The following COL22A1 variants were observed in gnomAD, a reference collection of about 807,000 sequenced individuals.
COL22A1 encodes collagen type XXII alpha 1 chain.
A neutral mutation model predicts 248.9 loss-of-function variants in COL22A1; 221 were observed. The ratio of observed to expected loss-of-function variants is 0.89; its 90% CI spans 0.80 to 0.99. The LOEUF is 0.99. Among genes scored for constraint, COL22A1 ranks in the 50% least tolerant of loss-of-function variants. The pLI is 0.00. For missense variants in COL22A1, 2,240 were observed against 2,179.0 expected (o/e 1.03, Z -0.56); for synonymous variants, 891 against 793.4 (o/e 1.12, Z -2.07).
At chr8:138,857,736 GAGA>G (rs1267154572) in intron 3 of COL22A1, among the ~76,000 whole-genome samples, 2 of 152,174 alleles carry the variant, frequency 1.3e-5, no homozygotes, top group Non-Finnish European at 2.9e-5. Context: ...TCAGCATCAG[GAGA>G]AGGTCTGAGT....
At chr8:138,767,610 G>A (rs913594754) in intron 16 of COL22A1, among the ~76,000 whole-genome samples, 1 of 152,234 alleles carries the variant, frequency 6.6e-6, no homozygotes, top group African/African-American at 2.4e-5. Context: ...AGAACCAAGT[G>A]CTGAAACAGG....
At chr8:138,712,121 C>T (rs1052159247) in intron 30 of COL22A1, among the ~76,000 whole-genome samples, 1 of 152,158 alleles carries the variant, frequency 6.6e-6, no homozygotes, top group Non-Finnish European at 1.5e-5. Flanking sequence ...AAGTCATCCA[C>T]CAACAGGAAA....
In COL22A1 at chr8:138,775,984, CT is replaced by C. The variant is rs1395788055; in HGVS notation, c.1784del (p.Lys595ArgfsTer61). On this transcript the variant is annotated frameshift_variant, in exon 16 of 65. Coordinates refer to ENST00000303045, the MANE Select transcript of COL22A1 (RefSeq NM_152888.3). LOFTEE classifies it high-confidence loss of function. ...APGLQGERGEKGTRGEKGERG... is the reference protein window; with the variant it reads ...APGLQGERGEXGTRGEKGERG... ...TAAATACCTTTTCTCCTCGAGTTCCCTTTTCACCTCGTTCTCCTTGGAGACC... is the reference window on the plus strand; with the variant it reads ...TAAATACCTTTTCTCCTCGAGTTCCCTTTCACCTCGTTCTCCTTGGAGACC... The C allele has an allele frequency of 6.2e-7, 1 of 1,613,526 alleles. No homozygotes were observed. The highest frequency in any genetic ancestry group is 1.1e-5 in the South Asian group (1 of 90,570).
intron 1 of COL22A1, among the ~76,000 whole-genome samples, chr8:138,892,375 G>T (rs1007763406): frequency 6.6e-6 from 1 of 152,186 alleles, no homozygotes; most frequent in Non-Finnish European, 1.5e-5. Context: ...CTATCAGGGG[G>T]TATGGTAAGG....
chr8:138,675,792 G>A (rs1825460337), intron 41 of COL22A1, among the ~76,000 whole-genome samples: 1 of 152,150 alleles, frequency 6.6e-6, no homozygotes, highest in South Asian at 2.1e-4. Context: ...ACAAAAGGGA[G>A]AATTAAAAGC....
chr8:138,895,734 G>A (rs924530058), intron 1 of COL22A1, among the ~76,000 whole-genome samples: 5 of 152,184 alleles, frequency 3.3e-5, no homozygotes, highest in East Asian at 3.9e-4. Flanking sequence ...GAAAGAGTAC[G>A]GAGCTCAAAA....
At chr8:138,688,809 C>G (rs935167678) in intron 37 of COL22A1, 108 bp downstream of exon 37, 91 of 879,590 alleles carry the variant, frequency 1.0e-4, no homozygotes, top group South Asian at 5.0e-4. Context: ...TAAACCCCTT[C>G]TGATTGCTGG....
rs201994075 is a variant in COL22A1 at position 138,877,896 on chromosome 8, C to A, written c.512G>T (p.Arg171Leu). ...CTCGCCCACGCCCACGGCAAAGATG[C>A]GGATGCCAGCGCGGTGGGCTGCCGC... ...AAAAAHRAGIRIFAVGVGEAL... is the reference protein window; with the variant it reads ...AAAAAHRAGILIFAVGVGEAL... The change falls in exon 3 of 65, where the codon CGC (arginine) becomes CTC (leucine). Residue 171 changes from arginine to leucine, a missense_variant. By Grantham distance (102) the Arg-to-Leu change is moderately radical (BLOSUM62 -2). Transcript: ENST00000303045. 2.5e-6 allele frequency: 4 copies of A among 1,611,212 alleles called. No homozygotes were observed. Among genetic ancestry groups the A allele is most frequent in the East Asian group, 2.2e-5 (1 of 44,772 alleles).
At position 138,694,872 on chromosome 8, in the gene COL22A1, T is replaced by C; in HGVS notation, c.2600A>G (p.Gln867Arg). 6.2e-7 allele frequency: 1 copy of C among 1,613,988 alleles called. No homozygotes were observed. Among genetic ancestry groups the C allele is most frequent in the Non-Finnish European group, 8.5e-7 (1 of 1,179,926 alleles). The change falls in exon 33 of 65, where the codon CAA (glutamine) becomes CGA (arginine). Residue 867 changes from glutamine to arginine, a missense_variant. By Grantham distance (43) the Gln-to-Arg change is conservative (BLOSUM62 1). Transcript: ENST00000303045. ...ATCGCCCTTCTCTCCTTTGGGCCCT[T>C]GTTCTCCCTGTTGGTGAGAAGCATA... Reference protein sequence around the residue: ...FTPHPRMPGEQGPKGEKGDPG... With the variant: ...FTPHPRMPGERGPKGEKGDPG...
chr8:138,646,481 A>G, intron 47 of COL22A1, 148 bp downstream of exon 47: 1 of 532,620 alleles, frequency 1.9e-6, no homozygotes, highest in South Asian at 3.8e-5. Context: ...GGTCAATAGG[A>G]TAGTCAGTGC....
intron 41 of COL22A1, among the ~76,000 whole-genome samples, chr8:138,673,338 T>C (rs1281521562): frequency 6.6e-6 from 1 of 151,782 alleles, no homozygotes; most frequent in Non-Finnish European, 1.5e-5. Flanking sequence ...GCCTCTTGAG[T>C]AGCTGAGATT....
chr8:138,603,752 T>C (rs991996503), intron 59 of COL22A1, among the ~76,000 whole-genome samples: 1 of 152,134 alleles, frequency 6.6e-6, no homozygotes, highest in Non-Finnish European at 1.5e-5. Flanking sequence ...AGTAAACACT[T>C]TCCGAATATG....
intron 30 of COL22A1, among the ~76,000 whole-genome samples, chr8:138,714,869 A>T (rs1829308211): frequency 1.3e-5 from 2 of 152,138 alleles, no homozygotes; most frequent in Non-Finnish European, 2.9e-5. Context: ...CTCATGAACG[A>T]TGCAGGGGAA....
chr8:138,706,505 A>G (rs1327472006), intron 30 of COL22A1, among the ~76,000 whole-genome samples: 1 of 152,202 alleles, frequency 6.6e-6, no homozygotes, highest in Non-Finnish European at 1.5e-5. Flanking sequence ...ACTCAACCAC[A>G]TGGAAACTGA....
chr8:138,655,984 T>C, intron 44 of COL22A1, 40 bp from the exon 45 acceptor site: 1 of 1,487,902 alleles, frequency 6.7e-7, no homozygotes, highest in Non-Finnish European at 9.3e-7. Context: ...CGTACATGCA[T>C]ATATACAATA....
At chr8:138,722,337 A>T in intron 25 of COL22A1, 1 of 528,114 alleles carries the variant, frequency 1.9e-6, no homozygotes, top group Non-Finnish European at 3.4e-6. Flanking sequence ...CTGGCCATGC[A>T]TGGAGGGTGG....
At chr8:138,720,671 T>A in intron 27 of COL22A1, 68 bp downstream of exon 27, 1 of 1,294,596 alleles carries the variant, frequency 7.7e-7, no homozygotes, top group Non-Finnish European at 1.1e-6. Context: ...AAGTCGAGAT[T>A]CACACACCAC....
chr8:138,912,750 C>CAA (rs34103668), intron 1 of COL22A1, among the ~76,000 whole-genome samples: 19 of 142,784 alleles, frequency 1.3e-4, no homozygotes, highest in Non-Finnish European at 1.7e-4. Context: ...AACTCGGCCT[C>CAA]AAAAAAAAAA....
intron 12 of COL22A1, among the ~76,000 whole-genome samples, chr8:138,789,200 A>C (rs962563712): frequency 6.6e-6 from 1 of 152,256 alleles, no homozygotes; most frequent in Non-Finnish European, 1.5e-5. Flanking sequence ...TGTGAACTTC[A>C]GAACTTCCCC....
Sources: allele counts gnomAD v4.1 joint callset (sites outside exome capture counted in the v4.1 genomes callset), GRCh38; gene constraint gnomAD v4.1.1; transcripts MANE v1.5; gene names NCBI Gene and HGNC (gene_info 2026-07-23, HGNC 2026-07-21).